The following CCL17 variants were observed in gnomAD, a reference collection of about 807,000 sequenced individuals.
The protein encoded by CCL17 is C-C motif chemokine ligand 17.
CCL17 carries 8 observed loss-of-function variants against 7.4 expected under a neutral mutation model. The observed-to-expected ratio is 1.09, with a 90% CI of 0.64 to 1.96. CCL17 has a LOEUF of 1.96. Among genes scored for constraint, CCL17 ranks in the 30% most tolerant of loss-of-function variants. CCL17 has a pLI of 0.00. For missense variants in CCL17, 102 were observed against 113.0 expected, an observed-to-expected ratio of 0.90 and a Z score of 0.44; for synonymous variants, 40 against 46.1, an observed-to-expected ratio of 0.87 and a Z score of 0.54.
At chr16:57,403,436 TAATATA>T, upstream of CCL17, among the ~76,000 whole-genome samples, 1 of 16,288 alleles carries the variant, frequency 6.1e-5, no homozygotes, top group African/African-American at 4.9e-4. Context: ...ATATATATTA[TAATATA>T]TATATTATAT....
At chr16:57,411,093 A>G (rs1032790595) in intron 1 of CCL17, among the ~76,000 whole-genome samples, 8 of 152,164 alleles carry the variant, frequency 5.3e-5, no homozygotes, top group Non-Finnish European at 7.4e-5. Flanking sequence ...TATGAATCTT[A>G]TCTACAAAAC....
chr16:57,399,452 TA>T, the CCL17 span, among the ~76,000 whole-genome samples: 5 of 152,260 alleles, frequency 3.3e-5, no homozygotes, highest in South Asian at 4.2e-4. Context: ...TTTACTTATT[TA>T]TTTTTTTTAT....
At chr16:57,402,938 G>C (rs2146529947), upstream of CCL17, among the ~76,000 whole-genome samples, 1 of 149,112 alleles carries the variant, frequency 6.7e-6, no homozygotes, top group South Asian at 2.1e-4. Flanking sequence ...ATGGGGGTGG[G>C]GGTACAGGTG....
the CCL17 span, among the ~76,000 whole-genome samples, chr16:57,397,333 A>G: frequency 6.6e-6 from 1 of 152,114 alleles, no homozygotes; most frequent in Admixed American, 6.5e-5. Context: ...GGTCTTAAGT[A>G]TTTTCCACTG....
intron 1 of CCL17, among the ~76,000 whole-genome samples, chr16:57,409,567 TG>T (rs1902752188): frequency 6.6e-6 from 1 of 152,012 alleles, no homozygotes; most frequent in South Asian, 2.1e-4. Context: ...GCCTGGAAGC[TG>T]GGGCATGAGT....
chr16:57,411,474 A>G (rs1308230813), intron 1 of CCL17, among the ~76,000 whole-genome samples: 1 of 152,246 alleles, frequency 6.6e-6, no homozygotes, highest in Non-Finnish European at 1.5e-5. Flanking sequence ...TTGAGTCTGC[A>G]GGAAAGCGAA....
upstream of CCL17, among the ~76,000 whole-genome samples, chr16:57,403,020 CAA>C (rs532901212): frequency 0.069 from 3,886 of 56,660 alleles, 92 homozygotes; most frequent in Middle Eastern, 0.14. Flanking sequence ...AGCATTTCAG[CAA>C]AAAAAAAAAA....
At chr16:57,397,387 T>C in the CCL17 span, among the ~76,000 whole-genome samples, 1 of 152,248 alleles carries the variant, frequency 6.6e-6, no homozygotes, top group Non-Finnish European at 1.5e-5. Flanking sequence ...GAGAAAACTA[T>C]GCCCCCATGA....
At position 57,415,959 on chromosome 16, in the gene CCL17, G is replaced by T. The variant is rs78838340; in HGVS notation, c.*98G>T. On this transcript the variant is annotated 3_prime_UTR_variant, in exon 4 of 4. Coordinates refer to ENST00000219244, the MANE Select transcript of CCL17 (RefSeq NM_002987.3). The surrounding 1 kb of genome is among the most constrained non-coding windows in gnomAD (Gnocchi z 4.5). ...CCACCCTGAGCGCCTGGGTCCAGGG[G>T]AGGCCTTCCAGGGACGAAGAAGAGC... The T allele has an allele frequency of 1.3e-6, 1 of 763,212 alleles. No individual in the cohort carries two copies. The highest frequency in any genetic ancestry group is 2.3e-6 in the Non-Finnish European group (1 of 436,542). The allele number at this position is 763,212 out of a possible 1,614,324, so 47.3% of individuals were successfully genotyped here. A position where few individuals can be genotyped will look rare whatever the true frequency, so the allele number is the denominator to read the frequency against.
chr16:57,410,167 C>T lies in CCL17; in HGVS notation c.-59-3707C>T, dbSNP rs192309501. Among the ~76,000 whole-genome samples the T allele has an allele frequency of 2.4e-3, 370 of 152,294 alleles. 3 individuals carry two copies. The highest frequency in any genetic ancestry group is 7.5e-3 in the African/African-American group (312 of 41,566). Reference sequence around the variant, plus strand: ...AGCATCCTGGTTCCGCCCACTGCCTCGGGGACAGGCTTCTCCACGAGCCTG... The same window carrying T: ...AGCATCCTGGTTCCGCCCACTGCCTTGGGGACAGGCTTCTCCACGAGCCTG... On this transcript the variant is annotated intron_variant, in intron 1 of 3. Coordinates refer to ENST00000219244, the MANE Select transcript of CCL17 (RefSeq NM_002987.3).
upstream of CCL17, among the ~76,000 whole-genome samples, chr16:57,403,134 ATAT>A (rs1302299006): frequency 5.8e-5 from 6 of 102,704 alleles, no homozygotes; most frequent in South Asian, 2.7e-4. Flanking sequence ...TATATAATAT[ATAT>A]TATTATCTAT....
the CCL17 span, among the ~76,000 whole-genome samples, chr16:57,399,082 T>C: frequency 0.16 from 24,504 of 151,990 alleles, 3,862 homozygotes; most frequent in African/African-American, 0.42. Flanking sequence ...GGTGTAGGGG[T>C]TGGGTACAGC....
At chr16:57,408,093 A>G (rs1192298575) in intron 1 of CCL17, among the ~76,000 whole-genome samples, 3 of 150,936 alleles carry the variant, frequency 2.0e-5, no homozygotes, top group African/African-American at 7.3e-5. Flanking sequence ...CTACCCATCC[A>G]TTTATCCATT....
intron 1 of CCL17, among the ~76,000 whole-genome samples, chr16:57,406,369 G>T (rs1319800220): frequency 1.3e-5 from 2 of 152,106 alleles, no homozygotes; most frequent in Non-Finnish European, 2.9e-5. Flanking sequence ...GGGCTCAAGC[G>T]ATCTTCCCAC....
chr16:57,402,881 G>A (rs1181879519), upstream of CCL17, among the ~76,000 whole-genome samples: 1 of 151,356 alleles, frequency 6.6e-6, no homozygotes, highest in Admixed American at 6.6e-5. Context: ...TTCCATTAAA[G>A]AAAAGAAACA....
chr16:57,412,833 G>A (rs947101838), intron 1 of CCL17, among the ~76,000 whole-genome samples: 1 of 152,176 alleles, frequency 6.6e-6, no homozygotes, highest in Non-Finnish European at 1.5e-5. Context: ...CAATTTCCTC[G>A]GGTGGCCAGG....
At chr16:57,397,848 GTACTGTTACAT>G in the CCL17 span, among the ~76,000 whole-genome samples, 4 of 152,196 alleles carry the variant, frequency 2.6e-5, no homozygotes, top group African/African-American at 9.7e-5. Flanking sequence ...TTACTTTCAA[GTACTGTTACAT>G]CAGTAACTAT....
At chr16:57,414,255 C>T (rs998084497) in intron 2 of CCL17, among the ~76,000 whole-genome samples, 6 of 151,814 alleles carry the variant, frequency 4.0e-5, no homozygotes, top group East Asian at 1.9e-4. Context: ...CTGCAATGGC[C>T]GTGAGGTGGG....
At chr16:57,411,228 A>G (rs1489514584) in intron 1 of CCL17, among the ~76,000 whole-genome samples, 1 of 152,160 alleles carries the variant, frequency 6.6e-6, no homozygotes, top group Non-Finnish European at 1.5e-5. Context: ...ATGAGGGGTC[A>G]GGGCCTGTTC....
Sources: allele counts gnomAD v4.1 joint callset (sites outside exome capture counted in the v4.1 genomes callset), GRCh38; gene constraint gnomAD v4.1.1; non-coding constraint Gnocchi (gnomAD v3.1); transcripts MANE v1.5; gene names NCBI Gene and HGNC (gene_info 2026-07-23, HGNC 2026-07-21).